Variants in THSD7A observed in about 807,000 individuals in gnomAD.
The protein encoded by THSD7A is thrombospondin type 1 domain containing 7A, also known as thrombospondin type-1 domain-containing protein 7A.
THSD7A carries 96 observed loss-of-function variants against 231.3 expected under a neutral mutation model. The observed-to-expected ratio is 0.41, with a 90% CI of 0.35 to 0.49. The LOEUF (loss-of-function observed/expected upper bound fraction) is 0.49. Ranked by LOEUF, THSD7A falls within the 20% of genes least tolerant of loss-of-function variation. The pLI, the probability that THSD7A is intolerant of heterozygous loss-of-function variation, is 0.05. For missense variants in THSD7A, 2,290 were observed against 2,070.2 expected, an observed-to-expected ratio of 1.11 and a Z score of -2.06; for synonymous variants, 940 against 743.3, an observed-to-expected ratio of 1.26 and a Z score of -4.30.
rs185444211 is a variant in THSD7A, at chr7:11,604,299, A to T, written c.1023-10797T>A. Among the ~76,000 whole-genome samples, 250 of 152,250 alleles carry T rather than the reference A, an allele frequency of 1.6e-3. 1 individual carries two copies. The highest frequency in any genetic ancestry group is 4.2e-3 in the African/African-American group (175 of 41,546). On this transcript the variant is annotated intron_variant, in intron 2 of 27. Transcript: ENST00000423059. ...ACGAAGCACTCAAACTGAGTGAGGT[A>T]TTATGATGAATACAGGCAATCCATC...
intron 1 of THSD7A, among the ~76,000 whole-genome samples, chr7:11,827,335 A>ATC (rs1785062193): frequency 6.6e-6 from 1 of 152,228 alleles, no homozygotes; most frequent in Admixed American, 6.5e-5. Flanking sequence ...TCAAGTTTAT[A>ATC]TCTCTACCTC....
Position 11,382,622 on chromosome 7 carries a change from G to A in THSD7A, c.4412-6C>T, listed in dbSNP as rs978280644. ...ATATTCATAGCACTGTCCATCTGCA[G>A]GGAAATAATAAACATTAGCAGAAGC... On this transcript the variant is annotated splice_region_variant and splice_polypyrimidine_tract_variant and intron_variant, in intron 23 of 27. Coordinates refer to ENST00000423059, the MANE Select transcript of THSD7A (RefSeq NM_015204.3). 5 of 1,608,012 alleles carry A rather than the reference G, an allele frequency of 3.1e-6. No individual in the cohort carries two copies. The highest frequency in any genetic ancestry group is 4.3e-6 in the Non-Finnish European group (5 of 1,175,290).
intron 1 of THSD7A, among the ~76,000 whole-genome samples, chr7:11,667,904 C>T (rs1339722950): frequency 2.6e-5 from 4 of 152,108 alleles, no homozygotes; most frequent in Admixed American, 2.6e-4. Context: ...CATAAAACAA[C>T]ATGCATATTA....
intron 13 of THSD7A, among the ~76,000 whole-genome samples, chr7:11,438,418 A>T (rs1368968690): frequency 1.3e-5 from 2 of 152,004 alleles, no homozygotes; most frequent in Non-Finnish European, 2.9e-5. Context: ...AAATTTTTAA[A>T]GAGAAACTTT....
At chr7:11,673,409 C>G (rs544557136) in intron 1 of THSD7A, among the ~76,000 whole-genome samples, 1 of 152,146 alleles carries the variant, frequency 6.6e-6, no homozygotes, top group Non-Finnish European at 1.5e-5. Flanking sequence ...CCCATAGGCA[C>G]CCATCTCCCA....
intron 16 of THSD7A, among the ~76,000 whole-genome samples, chr7:11,419,666 C>T (rs1413972713): frequency 6.6e-6 from 1 of 152,116 alleles, no homozygotes; most frequent in African/African-American, 2.4e-5. Flanking sequence ...GGGTAATGGG[C>T]AGAGGTTGGA....
rs952523395 is a variant in THSD7A at position 11,373,193 on chromosome 7, G to A, written c.*2601C>T. The A allele has an allele frequency of 6.6e-6, 1 of 151,880 alleles. No homozygotes were observed. The highest frequency in any genetic ancestry group is 2.4e-5 in the African/African-American group (1 of 41,376). The allele number at this position is 151,880 out of a possible 1,614,324, so 9.4% of individuals were successfully genotyped here. On this transcript the variant is annotated 3_prime_UTR_variant, in exon 28 of 28. Coordinates refer to ENST00000423059, the MANE Select transcript of THSD7A (RefSeq NM_015204.3). ...CTAATTTAATTCTTATAGGTAGGAT[G>A]ATACTAATCTTTTCTGAATTAATGA...
chr7:11,716,526 G>A (rs142219583), intron 1 of THSD7A, among the ~76,000 whole-genome samples: 1 of 151,648 alleles, frequency 6.6e-6, no homozygotes, highest in Admixed American at 6.6e-5. Context: ...TATTGTTCTT[G>A]GTTCTAGGCT....
At chr7:11,596,526 G>A (rs1780365390) in intron 2 of THSD7A, among the ~76,000 whole-genome samples, 1 of 152,168 alleles carries the variant, frequency 6.6e-6, no homozygotes, top group Non-Finnish European at 1.5e-5. Context: ...CTGGTAGGGT[G>A]AGGGCTATTA....
intron 10 of THSD7A, 94 bp from the exon 11 acceptor site, chr7:11,460,859 G>A: frequency 2.2e-6 from 2 of 907,906 alleles, no homozygotes; most frequent in Non-Finnish European, 3.5e-6. Context: ...TTTGACCACT[G>A]CAAACACAGT....
intron 1 of THSD7A, among the ~76,000 whole-genome samples, chr7:11,654,090 A>G (rs1476924157): frequency 6.6e-6 from 1 of 151,916 alleles, no homozygotes; most frequent in African/African-American, 2.4e-5. Flanking sequence ...CTAAAAGAAG[A>G]ATCTCTGATA....
chr7:11,541,660 T>C, intron 5 of THSD7A, 29 bp from the exon 6 acceptor site: 1 of 1,590,772 alleles, frequency 6.3e-7, no homozygotes, highest in African/African-American at 1.3e-5. Context: ...AAAAATCTAT[T>C]GTTACTATCA....
At chr7:11,730,969 CCATA>C (rs1382849300) in intron 1 of THSD7A, among the ~76,000 whole-genome samples, 1 of 151,602 alleles carries the variant, frequency 6.6e-6, no homozygotes, top group Non-Finnish European at 1.5e-5. Context: ...TCAACATATA[CCATA>C]CATAGTCTTA....
In THSD7A at chr7:11,637,385, T is replaced by C. The variant is rs906375565; in HGVS notation, c.191-424A>G. On this transcript the variant is annotated intron_variant, in intron 1 of 27. Coordinates refer to ENST00000423059, the MANE Select transcript of THSD7A (RefSeq NM_015204.3). The surrounding 1 kb of genome is among the most constrained non-coding windows in gnomAD (Gnocchi z 4.2). Reference sequence around the variant, plus strand: ...GTGTGAAGAACTTCTCCTGCAGGCATTTCTCTTCCTGGACAGTTAACTATT... The same window carrying C: ...GTGTGAAGAACTTCTCCTGCAGGCACTTCTCTTCCTGGACAGTTAACTATT... 6.6e-6 allele frequency among the ~76,000 whole-genome samples: 1 copy of C among 152,200 alleles called. No individual in the cohort carries two copies. The highest frequency in any genetic ancestry group is 1.5e-5 in the Non-Finnish European group (1 of 68,036).
chr7:11,620,948 C>T (rs970206339), intron 2 of THSD7A, among the ~76,000 whole-genome samples: 2 of 152,168 alleles, frequency 1.3e-5, no homozygotes, highest in Non-Finnish European at 2.9e-5. Context: ...CTCAGCTTCA[C>T]GTGTTCCTCT....
At chr7:11,776,228 A>C (rs1438345021) in intron 1 of THSD7A, among the ~76,000 whole-genome samples, 1 of 152,168 alleles carries the variant, frequency 6.6e-6, no homozygotes, top group South Asian at 2.1e-4. Context: ...GTTAGGACAT[A>C]TGTTTCATTT....
chr7:11,572,688 T>C lies in THSD7A; in HGVS notation c.1453+17772A>G, dbSNP rs574408664. 7.9e-5 allele frequency among the ~76,000 whole-genome samples: 12 copies of C among 151,982 alleles called. No homozygotes were observed. In the South Asian group the frequency reaches 2.1e-3, roughly 26 times the overall value. ...ATGCCCAGCAAATTAATTTTTTTTT[T>C]TGGAGGCGGGTCTCATTATTTTGCT... On this transcript the variant is annotated intron_variant, in intron 4 of 27. Coordinates refer to ENST00000423059, the MANE Select transcript of THSD7A (RefSeq NM_015204.3).
At chr7:11,677,012 A>G (rs1358382763) in intron 1 of THSD7A, among the ~76,000 whole-genome samples, 1 of 152,218 alleles carries the variant, frequency 6.6e-6, no homozygotes, top group African/African-American at 2.4e-5. Context: ...AAGGGCAGTG[A>G]GAGAAAAACG....
At chr7:11,734,348 A>G (rs1028962923) in intron 1 of THSD7A, among the ~76,000 whole-genome samples, 1 of 151,944 alleles carries the variant, frequency 6.6e-6, no homozygotes, top group Non-Finnish European at 1.5e-5. Flanking sequence ...CTTAAAAATA[A>G]AGTGCAAATT....
Sources: gnomAD v4.1 joint callset for allele counts (sites outside exome capture counted in the v4.1 genomes callset) on GRCh38, gnomAD v4.1.1 for gene constraint, Gnocchi (gnomAD v3.1) non-coding constraint, MANE v1.5 for transcripts, NCBI Gene and HGNC (gene_info 2026-07-23, HGNC 2026-07-21) for gene names.